NTRK1: variants seen among roughly 807,000 people sequenced by gnomAD.
NTRK1 encodes the protein high affinity nerve growth factor receptor.
In NTRK1, 62 loss-of-function variants were observed where a neutral mutation model predicts 86.8. That is an observed-to-expected ratio of 0.71 (90% confidence interval 0.58 to 0.88). The LOEUF (loss-of-function observed/expected upper bound fraction) is 0.88. Among genes scored for constraint, NTRK1 ranks in the 40% least tolerant of loss-of-function variants. The pLI is 0.00. For missense variants in NTRK1, 967 were observed against 1,078.4 expected (o/e 0.90, Z 1.45); for synonymous variants, 469 against 456.6 (o/e 1.03, Z -0.35).
At chr1:156,850,108 C>T (rs1019972872) in intron 2 of NTRK1, among the ~76,000 whole-genome samples, 4 of 152,072 alleles carry the variant, frequency 2.6e-5, no homozygotes, top group African/African-American at 9.7e-5. Context: ...CACCATGTTG[C>T]CCAGGCTGGT....
At chr1:156,816,580 C>T (rs1653956383) in intron 1 of NTRK1, 2 of 1,369,582 alleles carry the variant, frequency 1.5e-6, no homozygotes, top group Non-Finnish European at 1.0e-6. Context: ...TGGGGCCCCT[C>T]ATCCCTGAAG....
At chr1:156,851,743 C>G in intron 2 of NTRK1, 2 of 1,614,138 alleles carry the variant, frequency 1.2e-6, no homozygotes, top group Non-Finnish European at 1.7e-6. Flanking sequence ...TGGTGCCTAC[C>G]TTGCACTCTT....
chr1:156,880,046 C>A lies in NTRK1; in HGVS notation c.2094C>A (p.Ser698Arg). 1 of 1,613,364 alleles carries A rather than the reference C, an allele frequency of 6.2e-7. No individual in the cohort carries two copies. The highest frequency in any genetic ancestry group is 8.5e-7 in the Non-Finnish European group (1 of 1,179,816). Residue 698 changes from serine (S) to arginine (R), a missense_variant, in exon 16 of 17, where the codon AGC becomes AGA. Physicochemically the swap from Ser to Arg is moderately radical, Grantham distance 110 (BLOSUM62 -1). Around this residue, in one of 2 missense-constraint regions of NTRK1, gnomAD observed 637 missense variants for 776.5 expected, o/e 0.82. Coordinates refer to ENST00000524377, the MANE Select transcript of NTRK1 (RefSeq NM_002529.4). ...CCATTCGCTGGATGCCGCCCGAGAGCATCCTGTACCGTAAGTTCACCACCG... is the reference window on the plus strand; with the variant it reads ...CCATTCGCTGGATGCCGCCCGAGAGAATCCTGTACCGTAAGTTCACCACCG... The part of the protein sequence containing the change: ...MLPIRWMPPE[S>R]ILYRKFTTES...
rs778144377 is a variant in NTRK1 at position 156,841,518 on chromosome 1, C to T, written c.-63-563C>T. The stretch of plus-strand genomic sequence containing the variant: ...AGGGTCACAATCTCCCAGAGTACCA[C>T]GCCAAAGGACCTGGGGGCATGCAGG... On this transcript the variant is annotated intron_variant, in intron 1 of 16. Coordinates refer to the NTRK1 transcript ENST00000392302. 40 of 1,614,004 alleles carry T rather than the reference C, an allele frequency of 2.5e-5. No homozygotes were observed. Among genetic ancestry groups the T allele is most frequent in the Middle Eastern group, 1.6e-4 (1 of 6,062 alleles).
At chr1:156,842,300 A>G (rs774437818) in intron 2 of NTRK1, 10 of 1,613,708 alleles carry the variant, frequency 6.2e-6, no homozygotes, top group Non-Finnish European at 1.7e-6. Context: ...GCTGGTGAGG[A>G]AGGAACCCAG....
intron 2 of NTRK1, chr1:156,849,113 C>G: frequency 6.3e-7 from 1 of 1,597,298 alleles, no homozygotes; most frequent in Non-Finnish European, 8.5e-7. Context: ...ACCCTGACCC[C>G]GCGGCATCCC....
chr1:156,874,127 C>A (rs2102907436), intron 8 of NTRK1, 168 bp downstream of exon 8: 2 of 880,186 alleles, frequency 2.3e-6, no homozygotes, highest in Non-Finnish European at 3.6e-6. Context: ...TCTCCCCAAG[C>A]CAGGACTCCT....
intron 1 of NTRK1, among the ~76,000 whole-genome samples, chr1:156,824,033 A>G (rs776133285): frequency 6.6e-6 from 1 of 152,154 alleles, no homozygotes; most frequent in Non-Finnish European, 1.5e-5. Flanking sequence ...ACTCATCCTT[A>G]GGATTGTGCA....
In NTRK1 at chr1:156,881,479, G is replaced by T. The variant is rs1431206237; in HGVS notation, c.2228G>T (p.Gly743Val). Reference protein sequence around the residue: ...NTEAIDCITQGRELERPRACP... With the variant: ...NTEAIDCITQVRELERPRACP... ...CAGGCAATCGACTGCATCACGCAGG[G>T]ACGTGAGTTGGAGCGGCCACGTGCC... Residue 743 changes from glycine to valine, a missense_variant, in exon 17 of 17, where the codon GGA becomes GTA. Coordinates refer to ENST00000524377, the MANE Select transcript of NTRK1 (RefSeq NM_002529.4). 1 of 1,580,424 alleles carries T rather than the reference G, an allele frequency of 6.3e-7. No individual in the cohort carries two copies.
At chr1:156,838,497 T>C (rs537177026) in intron 1 of NTRK1, among the ~76,000 whole-genome samples, 1 of 152,294 alleles carries the variant, frequency 6.6e-6, no homozygotes, top group East Asian at 1.9e-4. Flanking sequence ...TCATCCTTCC[T>C]TCTCCAGGTC....
chr1:156,840,898 G>A (rs1454943565), intron 1 of NTRK1: 3 of 1,613,860 alleles, frequency 1.9e-6, no homozygotes, highest in Middle Eastern at 1.7e-4. Context: ...CCCATTTTGA[G>A]GGCTGCAGTC....
At chr1:156,843,399 C>T (rs373170486) in intron 2 of NTRK1, 1 of 1,612,016 alleles carries the variant, frequency 6.2e-7, no homozygotes, top group Admixed American at 1.7e-5. Context: ...CTTTCCCACA[C>T]CACCTGTCCA....
chr1:156,833,137 A>G (rs185270049), intron 1 of NTRK1, among the ~76,000 whole-genome samples: 6 of 152,360 alleles, frequency 3.9e-5, no homozygotes, highest in African/African-American at 1.4e-4. Context: ...CTGACTTTGA[A>G]TCCCAGCTCC....
intron 1 of NTRK1, chr1:156,839,953 G>A (rs1453508193): frequency 3.3e-5 from 5 of 152,214 alleles, no homozygotes; most frequent in Non-Finnish European, 5.9e-5. Flanking sequence ...TATTTATCCC[G>A]TGTCTCTGCC....
chr1:156,841,626 T>A, intron 1 of NTRK1: 1 of 1,609,962 alleles, frequency 6.2e-7, no homozygotes, highest in Non-Finnish European at 8.5e-7. Flanking sequence ...AGATCCCGCC[T>A]CCACATCCCT....
At chr1:156,858,877 T>C (rs566863925), upstream of NTRK1, 152 of 523,110 alleles carry the variant, frequency 2.9e-4, 2 homozygotes, top group Admixed American at 3.8e-4. Flanking sequence ...GGGACAGAGA[T>C]GCAGACAGTG....
intron 2 of NTRK1, chr1:156,853,952 T>C: frequency 6.2e-7 from 1 of 1,613,316 alleles, no homozygotes. Context: ...GTGGCAGAGC[T>C]CCTGGTTCTT....
At chr1:156,816,767 T>G in intron 1 of NTRK1, 1 of 1,482,132 alleles carries the variant, frequency 6.7e-7, no homozygotes, top group Non-Finnish European at 9.1e-7. Flanking sequence ...CGGAAAGGTG[T>G]GCACACTCAG....
At chr1:156,845,798 G>A (rs1376344835) in intron 2 of NTRK1, 1 of 1,612,418 alleles carries the variant, frequency 6.2e-7, no homozygotes, top group East Asian at 2.2e-5. Flanking sequence ...CGTTGTTGCT[G>A]GTGGGCAGCC....
Sources: allele counts gnomAD v4.1 joint callset (sites outside exome capture counted in the v4.1 genomes callset), GRCh38; gene constraint gnomAD v4.1.1; regional missense constraint gnomAD v4.1.1; transcripts MANE v1.5; gene names NCBI Gene and HGNC (gene_info 2026-07-23, HGNC 2026-07-21).